ELP4: variants seen among roughly 807,000 people sequenced by gnomAD.
ELP4 encodes elongator complex protein 4.
A neutral mutation model predicts 48.9 loss-of-function variants in ELP4; 51 were observed. The observed-to-expected ratio is 1.04, with a 90% CI of 0.83 to 1.32. The LOEUF is 1.32. ELP4 is among the 40% of genes most tolerant of loss of function. ELP4 has a pLI of 0.00. For synonymous variants in ELP4, 210 were observed against 189.2 expected (o/e 1.11, Z -0.90); for missense variants, 519 against 514.6 (o/e 1.01, Z -0.08).
intron 9 of ELP4, chr11:31,662,651 T>G (rs1414368190): frequency 2.5e-6 from 1 of 397,564 alleles, no homozygotes; most frequent in Non-Finnish European, 4.4e-6. Flanking sequence ...TAAAGAAAAT[T>G]TACTGAGAGA....
At chr11:31,604,178 G>T (rs908198881) in intron 5 of ELP4, among the ~76,000 whole-genome samples, 1 of 151,638 alleles carries the variant, frequency 6.6e-6, no homozygotes, top group Non-Finnish European at 1.5e-5. Context: ...ATAAGTGCTG[G>T]TTTTCAAGAA....
At chr11:31,621,044 A>G (rs12803634) in intron 5 of ELP4, among the ~76,000 whole-genome samples, 141,278 of 151,852 alleles carry the variant, frequency 0.93, 66,314 homozygotes, top group South Asian at 1. Context: ...CTTGTGAATA[A>G]ACTTCACGGT....
At chr11:31,618,941 G>T (rs925076505) in intron 5 of ELP4, among the ~76,000 whole-genome samples, 2 of 152,018 alleles carry the variant, frequency 1.3e-5, no homozygotes, top group African/African-American at 4.8e-5. Context: ...AGCCATTGGA[G>T]GTCATCAGTC....
In ELP4 at chr11:31,789,912, CTTTTTTTTTTT is replaced by C. The variant is rs759391101; in HGVS notation, c.*6401_*6411del. ...CTGAATTAACACAATATTTCCTTTC[CTTTTTTTTTTT>C]TTTTTTTTTTTTACTGTAATCTTGG... On this transcript the variant is annotated 3_prime_UTR_variant, in exon 10 of 10. Coordinates refer to ENST00000640961, the MANE Select transcript of ELP4 (RefSeq NM_019040.5). The C allele has an allele frequency of 2.6e-5, 27 of 1,046,616 alleles. No individual in the cohort carries two copies. Among genetic ancestry groups the C allele is most frequent in the Non-Finnish European group, 3.4e-5 (25 of 726,220 alleles). The allele number at this position is 1,046,616 out of a possible 1,614,324, so 64.8% of individuals were successfully genotyped here.
rs77342675 is a variant in ELP4, at chr11:31,626,857, A to C, written c.654-253A>C. On this transcript the variant is annotated intron_variant, in intron 5 of 9. Coordinates refer to ENST00000640961, the MANE Select transcript of ELP4 (RefSeq NM_019040.5). ...GAGGTAACTAAGCCTGACATAATTA[A>C]GTTATCTTAGTCTCCACAGGTTTTT... Among the ~76,000 whole-genome samples the C allele has an allele frequency of 4.5e-3, 688 of 151,946 alleles. 4 individuals are homozygous for C. The highest frequency in any genetic ancestry group is 8.2e-3 in the Non-Finnish European group (554 of 67,874).
intron 3 of ELP4, among the ~76,000 whole-genome samples, chr11:31,554,931 T>G (rs780168024): frequency 2.6e-5 from 4 of 152,160 alleles, no homozygotes; most frequent in Non-Finnish European, 4.4e-5. Context: ...GATTTTATAT[T>G]CAATATGTTA....
chr11:31,653,408 C>G (rs184235387), intron 9 of ELP4: 1 of 151,780 alleles, frequency 6.6e-6, no homozygotes, highest in Non-Finnish European at 1.5e-5. Flanking sequence ...TTAACCAGAT[C>G]GAATTTACCT....
At chr11:31,780,342 C>T (rs747487513) in intron 9 of ELP4, among the ~76,000 whole-genome samples, 7 of 152,078 alleles carry the variant, frequency 4.6e-5, no homozygotes, top group Non-Finnish European at 7.3e-5. Flanking sequence ...ACTGACATGG[C>T]GCACAGGGGG....
At position 31,790,110 on chromosome 11, in the gene ELP4, A is replaced by AC. The variant is rs1346407782; in HGVS notation, c.*6586_*6587insC. 11 of 799,084 alleles carry AC rather than the reference A, an allele frequency of 1.4e-5. No homozygotes were observed. The highest frequency in any genetic ancestry group is 3.3e-5 in the South Asian group (2 of 60,916). The allele number at this position is 799,084 out of a possible 1,614,324, so 49.5% of individuals were successfully genotyped here. On this transcript the variant is annotated 3_prime_UTR_variant, in exon 10 of 10. Transcript: ENST00000640961. ...TTTATAGGTTTACAAAAAAAAAAAAAAAAAAAAAAACTAATACTTTCTAAC... is the reference window on the plus strand; with the variant it reads ...TTTATAGGTTTACAAAAAAAAAAAAACAAAAAAAAAACTAATACTTTCTAAC...
intron 9 of ELP4, chr11:31,707,032 C>A (rs1468033073): frequency 5.0e-6 from 2 of 398,282 alleles, no homozygotes; most frequent in Non-Finnish European, 8.9e-6. Flanking sequence ...AATAGTGCTG[C>A]AGTAGACGTG....
At chr11:31,570,731 G>A (rs925159774) in intron 3 of ELP4, among the ~76,000 whole-genome samples, 2 of 148,864 alleles carry the variant, frequency 1.3e-5, no homozygotes, top group Non-Finnish European at 3.0e-5. Context: ...ACTCGCCTCG[G>A]CCTCCCAAAG....
intron 9 of ELP4, among the ~76,000 whole-genome samples, chr11:31,675,976 A>C (rs1390941294): frequency 6.6e-6 from 1 of 151,958 alleles, no homozygotes; most frequent in Non-Finnish European, 1.5e-5. Context: ...CAAGAGGATG[A>C]TTCTTTTAAA....
At chr11:31,755,945 A>G (rs1003382350) in intron 9 of ELP4, among the ~76,000 whole-genome samples, 4 of 152,212 alleles carry the variant, frequency 2.6e-5, no homozygotes, top group Non-Finnish European at 5.9e-5. Flanking sequence ...GAGACAAATG[A>G]TATCAGCAAC....
At chr11:31,748,806 C>G (rs1325788343) in intron 9 of ELP4, among the ~76,000 whole-genome samples, 1 of 151,958 alleles carries the variant, frequency 6.6e-6, no homozygotes, top group African/African-American at 2.4e-5. Flanking sequence ...GAGTTCAAGA[C>G]CAGCCTGGTG....
At position 31,778,028 on chromosome 11, in the gene ELP4, C is replaced by T. The variant is rs553741243; in HGVS notation, c.1144-5365C>T. Among the ~76,000 whole-genome samples, 70 of 152,220 alleles carry T rather than the reference C, an allele frequency of 4.6e-4. 1 individual carries two copies. Among genetic ancestry groups the T allele is most frequent in the Non-Finnish European group, 8.4e-4 (57 of 68,028 alleles). On this transcript the variant is annotated intron_variant, in intron 9 of 9. Transcript: ENST00000640961. ...GGAATAGGATGGCGTGCCTTTTGAG[C>T]GTTTGTTTCCTCCCCATTATATAAA...
Position 31,787,930 on chromosome 11 carries a change from G to A in ELP4, c.*4406G>A. 1 of 221,704 alleles carries A rather than the reference G, an allele frequency of 4.5e-6. No homozygotes were observed. The highest frequency in any genetic ancestry group is 9.0e-6 in the Non-Finnish European group (1 of 110,846). The allele number at this position is 221,704 out of a possible 1,614,324, so 13.7% of individuals were successfully genotyped here. On this transcript the variant is annotated 3_prime_UTR_variant, in exon 10 of 10. Coordinates refer to ENST00000640961, the MANE Select transcript of ELP4 (RefSeq NM_019040.5). ...TTTTTAAAGCAGAGTATAATTCAGT[G>A]GAAGTGTGTCTTTGTCCCCAGAGGT...
intron 3 of ELP4, among the ~76,000 whole-genome samples, chr11:31,547,328 C>T (rs1413988361): frequency 6.6e-6 from 1 of 152,100 alleles, no homozygotes; most frequent in Non-Finnish European, 1.5e-5. Flanking sequence ...CACAGAAATA[C>T]AAACTACCAT....
chr11:31,520,024 T>G, intron 1 of ELP4, 32 bp from the exon 2 acceptor site: 1 of 1,609,296 alleles, frequency 6.2e-7, no homozygotes, highest in South Asian at 1.1e-5. Flanking sequence ...AAAAGGTAAA[T>G]TAATTTTCTT....
intron 9 of ELP4, among the ~76,000 whole-genome samples, chr11:31,655,213 T>C (rs1349152851): frequency 6.6e-6 from 1 of 151,942 alleles, no homozygotes; most frequent in Non-Finnish European, 1.5e-5. Flanking sequence ...ATTACATAGG[T>C]TTCAAAGAAT....
Sources: allele counts gnomAD v4.1 joint callset (sites outside exome capture counted in the v4.1 genomes callset), GRCh38; gene constraint gnomAD v4.1.1; transcripts MANE v1.5; gene names NCBI Gene and HGNC (gene_info 2026-07-23, HGNC 2026-07-21).